The following TAFA5 variants were observed in gnomAD, a reference collection of about 807,000 sequenced individuals.
TAFA5 encodes the protein chemokine-like protein TAFA-5.
In TAFA5, 6 loss-of-function variants were observed where a neutral mutation model predicts 15.3. The observed-to-expected ratio is 0.39, with a 90% CI of 0.21 to 0.77. The LOEUF (loss-of-function observed/expected upper bound fraction) is 0.77, where lower values mean the gene tolerates loss of function less well. Among genes scored for constraint, TAFA5 ranks in the 30% least tolerant of loss-of-function variants. The pLI is 0.41. For missense variants in TAFA5, 161 were observed against 193.1 expected, an observed-to-expected ratio of 0.83 and a Z score of 0.98; for synonymous variants, 103 against 80.7, an observed-to-expected ratio of 1.28 and a Z score of -1.48.
intron 1 of TAFA5, among the ~76,000 whole-genome samples, chr22:48,586,551 C>G (rs933853736): frequency 9.2e-5 from 14 of 152,348 alleles, no homozygotes; most frequent in Middle Eastern, 3.4e-3. Flanking sequence ...GCCACCCCTG[C>G]CAAGTGCTGG....
intron 1 of TAFA5, among the ~76,000 whole-genome samples, chr22:48,534,215 A>T (rs1306871289): frequency 6.8e-6 from 1 of 146,094 alleles, no homozygotes; most frequent in East Asian, 2.0e-4. Flanking sequence ...AGGTGAAATG[A>T]ATAAGTCAGG....
At chr22:48,728,982 T>C (rs1321841058) in intron 3 of TAFA5, among the ~76,000 whole-genome samples, 1 of 152,160 alleles carries the variant, frequency 6.6e-6, no homozygotes, top group African/African-American at 2.4e-5. Flanking sequence ...AAGGAAAAAT[T>C]ATTCACAAGT....
chr22:48,549,925 C>T (rs765307874), intron 1 of TAFA5, among the ~76,000 whole-genome samples: 2 of 152,244 alleles, frequency 1.3e-5, no homozygotes, highest in African/African-American at 2.4e-5. Context: ...TCATTGCCAG[C>T]TTGCTCTGCA....
chr22:48,730,604 T>C (rs1156539934), intron 3 of TAFA5, among the ~76,000 whole-genome samples: 1 of 152,206 alleles, frequency 6.6e-6, no homozygotes, highest in East Asian at 1.9e-4. Flanking sequence ...ACTTTGTGTC[T>C]CTGTGTCACG....
intron 1 of TAFA5, among the ~76,000 whole-genome samples, chr22:48,576,149 C>T (rs111704292): frequency 1.4e-5 from 2 of 141,700 alleles, no homozygotes; most frequent in Non-Finnish European, 3.1e-5. Flanking sequence ...CATGGGGCCG[C>T]GGCGGCCGCC....
At chr22:48,735,015 G>T (rs532686610) in intron 3 of TAFA5, among the ~76,000 whole-genome samples, 1 of 152,334 alleles carries the variant, frequency 6.6e-6, no homozygotes, top group South Asian at 2.1e-4. Flanking sequence ...AAACTCAATC[G>T]GAGAAATCCA....
intron 1 of TAFA5, among the ~76,000 whole-genome samples, chr22:48,495,893 C>G (rs1928308180): frequency 6.6e-6 from 1 of 152,212 alleles, no homozygotes; most frequent in South Asian, 2.1e-4. Flanking sequence ...TCCCTCTGTC[C>G]AGCCCTGGAG....
At chr22:48,521,303 A>T (rs534856093) in intron 1 of TAFA5, among the ~76,000 whole-genome samples, 16 of 152,320 alleles carry the variant, frequency 1.1e-4, no homozygotes, top group African/African-American at 3.8e-4. Context: ...ATTTTGCAAC[A>T]TCAAACAGTG....
chr22:48,685,996 T>TAC (rs1483693801), intron 2 of TAFA5, among the ~76,000 whole-genome samples: 3 of 150,060 alleles, frequency 2.0e-5, no homozygotes, highest in Non-Finnish European at 1.5e-5. Flanking sequence ...GCCCCGGGAG[T>TAC]ACACGCAGGC....
chr22:48,651,386 G>C (rs978487582), intron 2 of TAFA5, among the ~76,000 whole-genome samples: 32 of 152,252 alleles, frequency 2.1e-4, no homozygotes, highest in African/African-American at 7.5e-4. Flanking sequence ...GTCTGGGGAG[G>C]CTGTGCCCAG....
intron 1 of TAFA5, among the ~76,000 whole-genome samples, chr22:48,604,779 C>T (rs936888870): frequency 6.6e-6 from 1 of 152,080 alleles, no homozygotes; most frequent in Admixed American, 6.5e-5. Flanking sequence ...TTGAGGGGCC[C>T]AGGGCAGGCT....
At chr22:48,718,247 A>ACAG (rs1929462519) in intron 3 of TAFA5, among the ~76,000 whole-genome samples, 1 of 152,132 alleles carries the variant, frequency 6.6e-6, no homozygotes, top group Non-Finnish European at 1.5e-5. Flanking sequence ...GGCCCCCTGC[A>ACAG]CAGCAGACAC....
At chr22:48,557,593 C>T (rs77646050) in intron 1 of TAFA5, among the ~76,000 whole-genome samples, 2 of 152,322 alleles carry the variant, frequency 1.3e-5, no homozygotes, top group South Asian at 4.1e-4. Context: ...AGCCTGGTCT[C>T]GCCCAAGCAT....
Position 48,560,068 on chromosome 22 carries a change from G to T in TAFA5, c.112+70364G>T, listed in dbSNP as rs1923175864. On this transcript the variant is annotated intron_variant, in intron 1 of 3. Transcript: ENST00000402357. This position sits in a 1 kb window ranked among gnomAD's most constrained non-coding sequence, Gnocchi z 4.2. Reference sequence around the variant, plus strand: ...GCCGGCCATCCTCCATCAGGCAGCTGCCCTGGCCACCGATGCCTTCGCAGC... The same window carrying T: ...GCCGGCCATCCTCCATCAGGCAGCTTCCCTGGCCACCGATGCCTTCGCAGC... Among the ~76,000 whole-genome samples, 1 of 152,326 alleles carries T rather than the reference G, an allele frequency of 6.6e-6. No homozygotes were observed. The highest frequency in any genetic ancestry group is 1.5e-5 in the Non-Finnish European group (1 of 68,030).
At chr22:48,504,387 T>G (rs1920973353) in intron 1 of TAFA5, among the ~76,000 whole-genome samples, 1 of 152,128 alleles carries the variant, frequency 6.6e-6, no homozygotes, top group South Asian at 2.1e-4. Context: ...CAGAAAGACT[T>G]CCGGGGGCTG....
intron 1 of TAFA5, among the ~76,000 whole-genome samples, chr22:48,630,358 G>A (rs1051947978): frequency 1.3e-5 from 2 of 152,278 alleles, no homozygotes; most frequent in Admixed American, 1.3e-4. Context: ...ATTCTGAGAG[G>A]GGCAGGCGCC....
At chr22:48,716,856 ATAAAACTGAGGCAAT>A (rs1929416687) in intron 3 of TAFA5, among the ~76,000 whole-genome samples, 1 of 152,202 alleles carries the variant, frequency 6.6e-6, no homozygotes, top group Admixed American at 6.5e-5. Flanking sequence ...TGTTGGAGAC[ATAAAACTGAGGCAAT>A]CTCTCAGAAA....
At chr22:48,709,880 C>T (rs968252734) in intron 3 of TAFA5, among the ~76,000 whole-genome samples, 1 of 152,256 alleles carries the variant, frequency 6.6e-6, no homozygotes, top group Non-Finnish European at 1.5e-5. Flanking sequence ...CATCGAGGTG[C>T]TTGTCAGGAA....
intron 2 of TAFA5, among the ~76,000 whole-genome samples, chr22:48,687,949 C>T (rs543997758): frequency 6.6e-5 from 10 of 152,210 alleles, no homozygotes; most frequent in Admixed American, 6.5e-4. Flanking sequence ...CCTGTCTTCT[C>T]TCTTAAATAG....
Sources: allele counts gnomAD v4.1 joint callset (sites outside exome capture counted in the v4.1 genomes callset), GRCh38; gene constraint gnomAD v4.1.1; non-coding constraint Gnocchi (gnomAD v3.1); transcripts MANE v1.5; gene names NCBI Gene and HGNC (gene_info 2026-07-23, HGNC 2026-07-21).